The following SLX4IP variants were observed in gnomAD, a reference collection of about 807,000 sequenced individuals.
SLX4IP encodes protein SLX4IP.
In SLX4IP, 34 loss-of-function variants were observed where a neutral mutation model predicts 32.9. The ratio of observed to expected loss-of-function variants is 1.03; its 90% confidence interval spans 0.79 to 1.38. SLX4IP has a LOEUF of 1.38. SLX4IP is among the 40% of genes most tolerant of loss of function. SLX4IP has a pLI of 0.00. For synonymous variants in SLX4IP, 172 were observed against 171.7 expected, an observed-to-expected ratio of 1.00 and a Z score of -0.01; for missense variants, 444 against 479.0, an observed-to-expected ratio of 0.93 and a Z score of 0.68.
chr20:10,456,009 T>A (rs1347506250), intron 1 of SLX4IP, among the ~76,000 whole-genome samples: 6 of 152,166 alleles, frequency 3.9e-5, no homozygotes, highest in African/African-American at 2.4e-5. Flanking sequence ...AATGCCAACA[T>A]AATGCCACAA....
Position 10,604,783 on chromosome 20 carries a change from T to C in SLX4IP, c.405+2964T>C, listed in dbSNP as rs1322280413. Among the ~76,000 whole-genome samples, 4 of 152,382 alleles carry C rather than the reference T, an allele frequency of 2.6e-5. No individual in the cohort carries two copies. The East Asian group carries it at 7.7e-4, about 29-fold the overall frequency. ...CTAGGGATGTGGGAATTGTGATGTG[T>C]ACTTTGGGAAGAAAGGACATTATTA... On this transcript the variant is annotated intron_variant, in intron 6 of 7. Transcript: ENST00000334534.
intron 1 of SLX4IP, among the ~76,000 whole-genome samples, chr20:10,457,852 T>C (rs930811296): frequency 3.1e-4 from 47 of 151,984 alleles, no homozygotes; most frequent in Non-Finnish European, 5.4e-4. Context: ...TTTTTTTTTT[T>C]CTTTCTGTAG....
chr20:10,518,952 G>T (rs1457358029), intron 2 of SLX4IP, among the ~76,000 whole-genome samples: 1 of 152,124 alleles, frequency 6.6e-6, no homozygotes, highest in African/African-American at 2.4e-5. Context: ...TCATGAGTTT[G>T]ATATTCTTTC....
chr20:10,580,842 C>T (rs1009748633), intron 4 of SLX4IP, among the ~76,000 whole-genome samples: 4 of 152,006 alleles, frequency 2.6e-5, no homozygotes, highest in Non-Finnish European at 4.4e-5. Context: ...AGTAAAATCC[C>T]TTTTTAGTGG....
At chr20:10,497,569 T>G (rs2065679433) in intron 2 of SLX4IP, among the ~76,000 whole-genome samples, 1 of 152,134 alleles carries the variant, frequency 6.6e-6, no homozygotes. Flanking sequence ...CCCTATTACT[T>G]GTGTTTATCA....
intron 4 of SLX4IP, among the ~76,000 whole-genome samples, chr20:10,562,842 A>G (rs1034793067): frequency 6.6e-6 from 1 of 152,202 alleles, no homozygotes; most frequent in Non-Finnish European, 1.5e-5. Context: ...TGATTCCGTT[A>G]TCTTAGCTAT....
At chr20:10,445,616 A>T (rs1240586602) in intron 1 of SLX4IP, among the ~76,000 whole-genome samples, 1 of 141,890 alleles carries the variant, frequency 7.0e-6, no homozygotes, top group African/African-American at 2.7e-5. Context: ...TGCCCAGCCG[A>T]TGAGATTGCC....
intron 4 of SLX4IP, among the ~76,000 whole-genome samples, chr20:10,569,247 A>G (rs1433549030): frequency 3.4e-5 from 5 of 147,364 alleles, no homozygotes; most frequent in African/African-American, 1.3e-4. Context: ...GTGCAATGGC[A>G]CGATCTCAGC....
At position 10,560,832 on chromosome 20, in the gene SLX4IP, G is replaced by A; in HGVS notation, c.238+12G>A. 4 of 1,559,656 alleles carry A rather than the reference G, an allele frequency of 2.6e-6. No individual in the cohort carries two copies. The highest frequency in any genetic ancestry group is 2.5e-5 in the South Asian group (2 of 81,196). ...CTTGTCCTTAAAAGGTAGGCACAGA[G>A]CACTTTGATTTTGGACAAAAAATAA... On this transcript the variant is annotated intron_variant, in intron 4 of 7. Transcript: ENST00000334534.
At position 10,566,624 on chromosome 20, in the gene SLX4IP, T is replaced by C. The variant is rs192042424; in HGVS notation, c.238+5804T>C. ...AGCCTATATTGCATCCCTTAGGACC[T>C]TACTCCAGTTCTACAAGGTCCTGCC... is the stretch of plus-strand genomic sequence containing the variant. On this transcript the variant is annotated intron_variant, in intron 4 of 7. Coordinates refer to ENST00000334534, the MANE Select transcript of SLX4IP (RefSeq NM_001009608.3). Among the ~76,000 whole-genome samples the C allele has an allele frequency of 1.8e-3, 272 of 152,296 alleles. 5 individuals carry two copies. Among genetic ancestry groups the C allele is most frequent in the Admixed American group, 0.016 (240 of 15,296 alleles).
At chr20:10,501,006 T>C (rs1451967539) in intron 2 of SLX4IP, among the ~76,000 whole-genome samples, 1 of 152,184 alleles carries the variant, frequency 6.6e-6, no homozygotes, top group Non-Finnish European at 1.5e-5. Flanking sequence ...TGTTTTCATG[T>C]GTTCATTTGG....
chr20:10,527,623 G>T (rs1294511804), intron 2 of SLX4IP, among the ~76,000 whole-genome samples: 9 of 152,074 alleles, frequency 5.9e-5, no homozygotes, highest in Admixed American at 5.9e-4. Flanking sequence ...TTTGTTTCAG[G>T]GTACTTGACT....
intron 1 of SLX4IP, among the ~76,000 whole-genome samples, chr20:10,442,967 T>C (rs1024557896): frequency 1.3e-5 from 2 of 152,228 alleles, no homozygotes; most frequent in Non-Finnish European, 2.9e-5. Flanking sequence ...AAAAACATCA[T>C]CTTTGTGGTA....
rs944572134 is a variant in SLX4IP at position 10,623,650 on chromosome 20, T to G, written c.*271T>G. On this transcript the variant is annotated 3_prime_UTR_variant, in exon 8 of 8. Transcript: ENST00000334534. ...TAATGACAAAGAGCCATCCACCTTGTCAGGGAGGAGACTGTGCAAGGACTG... is the reference window on the plus strand; with the variant it reads ...TAATGACAAAGAGCCATCCACCTTGGCAGGGAGGAGACTGTGCAAGGACTG... 2 of 478,392 alleles carry G rather than the reference T, an allele frequency of 4.2e-6. No individual in the cohort carries two copies. Among genetic ancestry groups the G allele is most frequent in the African/African-American group, 3.9e-5 (2 of 51,570 alleles). 29.6% of individuals were successfully genotyped at this position (478,392 alleles called of 1,614,324 possible).
At chr20:10,584,589 A>G (rs1284631893) in intron 4 of SLX4IP, among the ~76,000 whole-genome samples, 2 of 152,186 alleles carry the variant, frequency 1.3e-5, no homozygotes, top group African/African-American at 2.4e-5. Context: ...TTTTAAAAGA[A>G]TGTAGTTCTC....
intron 2 of SLX4IP, among the ~76,000 whole-genome samples, chr20:10,518,279 C>T (rs6040003): frequency 0.05 from 7,541 of 152,294 alleles, 258 homozygotes; most frequent in Admixed American, 0.11. Flanking sequence ...TGCTTTCCTG[C>T]TGGAAACTGA....
intron 1 of SLX4IP, among the ~76,000 whole-genome samples, chr20:10,457,531 A>T (rs1336640053): frequency 1.7e-4 from 25 of 151,494 alleles, no homozygotes; most frequent in African/African-American, 6.1e-4. Context: ...CAGATCTTAA[A>T]CTATCCTTGC....
chr20:10,486,051 C>T (rs1450213137), intron 2 of SLX4IP, among the ~76,000 whole-genome samples: 1 of 151,966 alleles, frequency 6.6e-6, no homozygotes, highest in South Asian at 2.1e-4. Context: ...AATCTAGGTA[C>T]AAATGGACCC....
chr20:10,542,783 A>G (rs926602530), intron 2 of SLX4IP, among the ~76,000 whole-genome samples: 2 of 152,162 alleles, frequency 1.3e-5, no homozygotes, highest in African/African-American at 4.8e-5. Context: ...AATTCTCTCT[A>G]GTTAGATTCC....
Sources: gnomAD v4.1 joint callset for allele counts (sites outside exome capture counted in the v4.1 genomes callset) on GRCh38, gnomAD v4.1.1 for gene constraint, MANE v1.5 for transcripts, NCBI Gene and HGNC (gene_info 2026-07-23, HGNC 2026-07-21) for gene names.